DENND1A: variants seen among roughly 807,000 people sequenced by gnomAD.
The protein encoded by DENND1A is DENN domain-containing protein 1A.
DENND1A carries 51 observed loss-of-function variants against 113.7 expected under a neutral mutation model. The observed-to-expected ratio is 0.45, with a 90% CI of 0.36 to 0.57. The LOEUF is 0.57. DENND1A is among the 20% of genes least tolerant of loss of function. DENND1A has a pLI of 0.00. For synonymous variants in DENND1A, 565 were observed against 570.8 expected (o/e 0.99, Z 0.14); for missense variants, 1,258 against 1,395.9 (o/e 0.90, Z 1.57).
chr9:123,605,050 C>T (rs1039977793), intron 11 of DENND1A, among the ~76,000 whole-genome samples: 1 of 152,118 alleles, frequency 6.6e-6, no homozygotes, highest in Non-Finnish European at 1.5e-5. Context: ...ACTCAGAGGT[C>T]AATTACCTTG....
chr9:123,763,783 G>GA (rs2071240072), intron 4 of DENND1A, among the ~76,000 whole-genome samples: 1 of 151,832 alleles, frequency 6.6e-6, no homozygotes, highest in Non-Finnish European at 1.5e-5. Flanking sequence ...ATGAGAAGAA[G>GA]AAAAAACAAT....
At chr9:123,753,399 A>C (rs999356814) in intron 5 of DENND1A, among the ~76,000 whole-genome samples, 4 of 152,252 alleles carry the variant, frequency 2.6e-5, no homozygotes, top group Non-Finnish European at 1.5e-5. Flanking sequence ...TTGTGAAATT[A>C]AGTTTAAATT....
chr9:123,614,676 G>T (rs1213622196), intron 10 of DENND1A, among the ~76,000 whole-genome samples: 1 of 152,082 alleles, frequency 6.6e-6, no homozygotes, highest in African/African-American at 2.4e-5. Context: ...CTCCAGGTGG[G>T]CAACACCTCT....
In DENND1A at chr9:123,693,804, A is replaced by AT. The variant is rs2065323334; in HGVS notation, c.303-17016dup. Among the ~76,000 whole-genome samples, 20 of 140,198 alleles carry AT rather than the reference A, an allele frequency of 1.4e-4. No individual in the cohort carries two copies. In the South Asian group the frequency reaches 4.7e-3, roughly 33 times the overall value. The allele number at this position is 140,198 out of a possible 152,430, so 92.0% of individuals were successfully genotyped here. ...ATATCATCCACAAGTTTCATTAGCT[A>AT]TATTATTATTATTATTATTATTATT... On this transcript the variant is annotated intron_variant, in intron 5 of 23. Transcript: ENST00000394215.
chr9:123,727,425 T>C (rs75810242), intron 5 of DENND1A, among the ~76,000 whole-genome samples: 7,281 of 152,296 alleles, frequency 0.048, 188 homozygotes, highest in Non-Finnish European at 0.061. Flanking sequence ...GAAAGAAACA[T>C]GGATTCTGTC....
intron 2 of DENND1A, among the ~76,000 whole-genome samples, chr9:123,818,040 G>T (rs1837791403): frequency 6.6e-6 from 1 of 151,694 alleles, no homozygotes; most frequent in Admixed American, 6.6e-5. Context: ...AAAAAGAAAA[G>T]AAATATACTA....
At chr9:123,447,628 G>C (rs1034748352) in intron 18 of DENND1A, among the ~76,000 whole-genome samples, 3 of 152,094 alleles carry the variant, frequency 2.0e-5, no homozygotes, top group African/African-American at 7.2e-5. Context: ...AGTTAGAGGA[G>C]GCCAGGTGGC....
rs2042238916 is a variant in DENND1A, at chr9:123,380,882, GA to G, written c.*549del. The G allele has an allele frequency of 6.3e-6, 1 of 158,154 alleles. No individual in the cohort carries two copies. Among genetic ancestry groups the G allele is most frequent in the Non-Finnish European group, 1.4e-5 (1 of 71,632 alleles). 9.8% of individuals were successfully genotyped at this position (158,154 alleles called of 1,614,324 possible). ...GAAAGAACGTGTGTGTATATTGCTA[GA>G]AACAGTCTGGAAGTGCCCCACCAGG... On this transcript the variant is annotated 3_prime_UTR_variant, in exon 24 of 24. Transcript: ENST00000394215.
chr9:123,886,669 A>C (rs944655986), intron 1 of DENND1A, among the ~76,000 whole-genome samples: 2 of 152,220 alleles, frequency 1.3e-5, no homozygotes, highest in African/African-American at 4.8e-5. Context: ...ATTTCCAACA[A>C]GTCTCCATTT....
intron 5 of DENND1A, among the ~76,000 whole-genome samples, chr9:123,744,669 C>T (rs2069318642): frequency 6.6e-6 from 1 of 152,032 alleles, no homozygotes. Flanking sequence ...CCACATACAT[C>T]TCACCTATGA....
intron 2 of DENND1A, among the ~76,000 whole-genome samples, chr9:123,820,691 AT>A (rs1181959037): frequency 2.0e-5 from 3 of 152,132 alleles, no homozygotes; most frequent in African/African-American, 4.8e-5. Context: ...TAAAAATTAA[AT>A]TTTTTTATTG....
At chr9:123,735,227 C>G (rs2068473610) in intron 5 of DENND1A, among the ~76,000 whole-genome samples, 1 of 152,182 alleles carries the variant, frequency 6.6e-6, no homozygotes, top group Non-Finnish European at 1.5e-5. Context: ...TCTAGATGTT[C>G]TAAACCAGCT....
chr9:123,904,752 T>C (rs1419727171), intron 1 of DENND1A, among the ~76,000 whole-genome samples: 3 of 151,458 alleles, frequency 2.0e-5, no homozygotes, highest in Non-Finnish European at 4.4e-5. Flanking sequence ...CTGAAAGTGA[T>C]GGGGAGAATG....
At chr9:123,854,504 T>C (rs948716612) in intron 2 of DENND1A, among the ~76,000 whole-genome samples, 1 of 152,058 alleles carries the variant, frequency 6.6e-6, no homozygotes, top group Non-Finnish European at 1.5e-5. Context: ...GAGACCAGCC[T>C]GGCCAACATA....
chr9:123,668,285 T>G (rs2063588867), intron 7 of DENND1A, among the ~76,000 whole-genome samples: 1 of 152,158 alleles, frequency 6.6e-6, no homozygotes, highest in Non-Finnish European at 1.5e-5. Context: ...GCAAAATAGG[T>G]AGGTGTGTAG....
At chr9:123,453,839 C>T (rs1176888644) in intron 16 of DENND1A, among the ~76,000 whole-genome samples, 1 of 152,322 alleles carries the variant, frequency 6.6e-6, no homozygotes, top group South Asian at 2.1e-4. Context: ...TTCCATACTG[C>T]TTTCCAAAAT....
chr9:123,535,156 G>C (rs966554668), intron 13 of DENND1A, among the ~76,000 whole-genome samples: 1 of 152,032 alleles, frequency 6.6e-6, no homozygotes, highest in African/African-American at 2.4e-5. Context: ...ATTACCTGAC[G>C]TTCACTCTGT....
chr9:123,407,659 C>T (rs953398401), intron 20 of DENND1A, among the ~76,000 whole-genome samples: 2 of 152,106 alleles, frequency 1.3e-5, no homozygotes, highest in Non-Finnish European at 2.9e-5. Context: ...AGTGACTGGC[C>T]CCACCGGTGT....
intron 13 of DENND1A, among the ~76,000 whole-genome samples, chr9:123,459,326 C>T (rs1167886957): frequency 6.6e-6 from 1 of 152,218 alleles, no homozygotes; most frequent in East Asian, 1.9e-4. Context: ...GGCATCTTTG[C>T]AGTCCCTAGG....
Sources: allele counts gnomAD v4.1 joint callset (sites outside exome capture counted in the v4.1 genomes callset), GRCh38; gene constraint gnomAD v4.1.1; transcripts MANE v1.5; gene names NCBI Gene and HGNC (gene_info 2026-07-23, HGNC 2026-07-21).